Variants in POLQ observed in about 807,000 individuals in gnomAD.
POLQ encodes the protein epididymis secretory sperm binding protein.
A neutral mutation model predicts 259.2 loss-of-function variants in POLQ; 233 were observed. The observed-to-expected ratio is 0.90, with a 90% CI of 0.81 to 1.00. The LOEUF is 1.00. Ranked by LOEUF, POLQ falls within the 50% of genes least tolerant of loss-of-function variation. The pLI is 0.00. For synonymous variants in POLQ, 1,025 were observed against 1,048.8 expected (o/e 0.98, Z 0.44); for missense variants, 2,871 against 3,051.6 (o/e 0.94, Z 1.39).
At position 121,490,218 on chromosome 3, in the gene POLQ, G is replaced by A. The variant is rs2048055822; in HGVS notation, c.2713C>T (p.His905Tyr). The change falls in exon 16 of 30, where the codon CAT becomes TAT. Residue 905 changes from histidine (H) to tyrosine (Y), a missense_variant. Around this residue, in one of 3 missense-constraint regions of POLQ, gnomAD observed 2,080 missense variants for 2,126.0 expected, o/e 0.98. Coordinates refer to ENST00000264233, the MANE Select transcript of POLQ (RefSeq NM_199420.4). Reference sequence around the variant, plus strand: ...TGAGTCAATGAGCATGTACTAGAATGTAACAGGGCACATGGATTCCATTGC... The same window carrying A: ...TGAGTCAATGAGCATGTACTAGAATATAACAGGGCACATGGATTCCATTGC... ...GVQWNPCALL[H>Y]SSTCSLTHSE... 1.2e-6 allele frequency: 2 copies of A among 1,613,994 alleles called. No individual in the cohort carries two copies. Among genetic ancestry groups the A allele is most frequent in the Non-Finnish European group, 1.7e-6 (2 of 1,179,966 alleles).
At chr3:121,536,144 T>C (rs73857906) in intron 5 of POLQ, among the ~76,000 whole-genome samples, 2,130 of 152,316 alleles carry the variant, frequency 0.014, 54 homozygotes, top group African/African-American at 0.048. Flanking sequence ...GAAGTAATCA[T>C]ATTACACTAT....
intron 23 of POLQ, among the ~76,000 whole-genome samples, chr3:121,468,087 C>T (rs1282009322): frequency 4.6e-5 from 7 of 152,132 alleles, no homozygotes; most frequent in Non-Finnish European, 1.0e-4. Flanking sequence ...CACTTTAAAG[C>T]TTAACAAAGA....
chr3:121,456,104 G>A (rs1215198036), intron 25 of POLQ, among the ~76,000 whole-genome samples: 2 of 152,028 alleles, frequency 1.3e-5, no homozygotes, highest in African/African-American at 4.8e-5. Flanking sequence ...ATGTAATCCA[G>A]CATATAAACA....
chr3:121,440,084 T>C lies in POLQ; in HGVS notation c.7297A>G (p.Asn2433Asp). ...INQFMTETVK[N>D]CKRDGFVQTI... ...TGAACAAATCCGTCTCTTTTACAAT[T>C]CTTCACTGTCTCTGTCATGAATTGA... Residue 2433 changes from asparagine (N) to aspartate (D), a missense_variant, in exon 27 of 30, where the codon AAT becomes GAT. By Grantham distance (23) the Asn-to-Asp change is conservative. Around this residue, in one of 3 missense-constraint regions of POLQ, gnomAD observed 2,080 missense variants for 2,126.0 expected, o/e 0.98. Coordinates refer to ENST00000264233, the MANE Select transcript of POLQ (RefSeq NM_199420.4). 6.2e-7 allele frequency: 1 copy of C among 1,607,684 alleles called. No homozygotes were observed. Among genetic ancestry groups the C allele is most frequent in the South Asian group, 1.1e-5 (1 of 90,948 alleles).
At chr3:121,544,306 T>C (rs1178832282) in intron 2 of POLQ, among the ~76,000 whole-genome samples, 1 of 151,486 alleles carries the variant, frequency 6.6e-6, no homozygotes, top group Admixed American at 6.6e-5. Context: ...TAAGCCCACA[T>C]AGCGCCACTG....
intron 5 of POLQ, among the ~76,000 whole-genome samples, chr3:121,536,602 G>C (rs898012585): frequency 6.6e-6 from 1 of 152,120 alleles, no homozygotes; most frequent in African/African-American, 2.4e-5. Context: ...AGAAAATTAA[G>C]AATGTTTACA....
At chr3:121,515,858 A>G (rs979382781) in intron 9 of POLQ, among the ~76,000 whole-genome samples, 1 of 152,194 alleles carries the variant, frequency 6.6e-6, no homozygotes, top group Non-Finnish European at 1.5e-5. Flanking sequence ...GTGAAATGAG[A>G]AAGAATCCAG....
At chr3:121,519,099 T>C (rs998583074) in intron 9 of POLQ, among the ~76,000 whole-genome samples, 1 of 151,972 alleles carries the variant, frequency 6.6e-6, no homozygotes, top group Non-Finnish European at 1.5e-5. Flanking sequence ...AGAAAAAAGA[T>C]GGGATGTCAA....
chr3:121,507,013 C>T (rs1464753520), intron 12 of POLQ, among the ~76,000 whole-genome samples: 4 of 151,856 alleles, frequency 2.6e-5, no homozygotes, highest in Admixed American at 2.0e-4. Flanking sequence ...AGCATGCTAC[C>T]CTCTGTATAA....
chr3:121,449,274 G>C (rs1280906985), intron 26 of POLQ, 41 bp downstream of exon 26: 1 of 1,008,542 alleles, frequency 9.9e-7, no homozygotes, highest in East Asian at 2.4e-5. Context: ...ATATAATATG[G>C]TAAGATGGTT....
At chr3:121,528,344 A>ATTT (rs369377736) in intron 7 of POLQ, among the ~76,000 whole-genome samples, 1 of 138,200 alleles carries the variant, frequency 7.2e-6, no homozygotes, top group Non-Finnish European at 1.6e-5. Context: ...GGAAATTTTA[A>ATTT]TTTTTTTTTT....
At chr3:121,535,215 A>G (rs889448018) in intron 5 of POLQ, among the ~76,000 whole-genome samples, 3 of 152,220 alleles carry the variant, frequency 2.0e-5, no homozygotes, top group Non-Finnish European at 4.4e-5. Flanking sequence ...ATAGACCAAC[A>G]CCAACACACA....
At position 121,472,160 on chromosome 3, in the gene POLQ, ACGTCCTGCC is replaced by A. The variant is rs1415118321; in HGVS notation, c.6544-5_6547del. 2 of 1,421,496 alleles carry A rather than the reference ACGTCCTGCC, an allele frequency of 1.4e-6. No individual in the cohort carries two copies. The highest frequency in any genetic ancestry group is 1.9e-6 in the Non-Finnish European group (2 of 1,051,034). 88.1% of individuals were successfully genotyped at this position (1,421,496 alleles called of 1,614,324 possible). On this transcript the variant is annotated splice_acceptor_variant and splice_polypyrimidine_tract_variant and coding_sequence_variant and intron_variant, in exon 22 of 30. Transcript: ENST00000264233. LOFTEE classifies it high-confidence loss of function. ...ATGTAATGCCTTTAATTTATTTAAAACGTCCTGCCAAAAAAATATAAGGTAAGATTGAAT... is the reference window on the plus strand; with the variant it reads ...ATGTAATGCCTTTAATTTATTTAAAAAAAAAAATATAAGGTAAGATTGAAT...
chr3:121,498,730 T>C, intron 12 of POLQ, 60 bp from the exon 13 acceptor site: 1 of 1,168,174 alleles, frequency 8.6e-7, no homozygotes, highest in Non-Finnish European at 1.2e-6. Flanking sequence ...AACCATTATA[T>C]ACAACCTTCA....
chr3:121,484,510 C>T (rs540835174), intron 17 of POLQ, among the ~76,000 whole-genome samples: 32 of 152,308 alleles, frequency 2.1e-4, no homozygotes, highest in African/African-American at 7.2e-4. Context: ...GCATGAATAG[C>T]CTCGTGTGAC....
At chr3:121,538,445 G>A (rs1036214916) in intron 4 of POLQ, among the ~76,000 whole-genome samples, 4 of 151,890 alleles carry the variant, frequency 2.6e-5, no homozygotes, top group African/African-American at 9.7e-5. Flanking sequence ...CCCACCAAAA[G>A]ACAACTTTCT....
chr3:121,455,582 A>G lies in POLQ; in HGVS notation c.7152+4468T>C, dbSNP rs548769191. On this transcript the variant is annotated intron_variant, in intron 25 of 29. Transcript: ENST00000264233. ...CACCGATCCCACAGAAATACAAACT[A>G]CCATCAGAGAATACTACAAACACCT... Among the ~76,000 whole-genome samples, 476 of 152,262 alleles carry G rather than the reference A, an allele frequency of 3.1e-3. 8 individuals carry two copies. The highest frequency in any genetic ancestry group is 0.011 in the African/African-American group (453 of 41,540).
At chr3:121,534,195 GT>G (rs1576428917) in intron 5 of POLQ, among the ~76,000 whole-genome samples, 2 of 151,860 alleles carry the variant, frequency 1.3e-5, no homozygotes, top group South Asian at 4.2e-4. Context: ...TCAAAAGCCT[GT>G]TTTTTTGTCC....
intron 12 of POLQ, among the ~76,000 whole-genome samples, chr3:121,509,298 C>G (rs994906889): frequency 1.3e-5 from 2 of 152,012 alleles, no homozygotes; most frequent in East Asian, 3.9e-4. Flanking sequence ...TTCTTTTATA[C>G]GTTGTAAAAA....
Sources: gnomAD v4.1 joint callset for allele counts (sites outside exome capture counted in the v4.1 genomes callset) on GRCh38, gnomAD v4.1.1 for gene constraint, gnomAD v4.1.1 regional missense constraint, MANE v1.5 for transcripts, NCBI Gene and HGNC (gene_info 2026-07-23, HGNC 2026-07-21) for gene names.